The following GPR89A variants were observed in gnomAD, a reference collection of about 807,000 sequenced individuals.
GPR89A encodes golgi pH regulator A.
GPR89A carries 16 observed loss-of-function variants against 52.0 expected under a neutral mutation model. The ratio of observed to expected loss-of-function variants is 0.31; its 90% CI spans 0.21 to 0.47. GPR89A has a LOEUF of 0.47. GPR89A is among the 20% of genes least tolerant of loss of function. The pLI is 1.00. For synonymous variants in GPR89A, 55 were observed against 150.9 expected, an observed-to-expected ratio of 0.36 and a Z score of 4.66; for missense variants, 135 against 449.4, an observed-to-expected ratio of 0.30 and a Z score of 6.33.
chr1:145,649,281 G>T (rs587704826), intron 10 of GPR89A, among the ~76,000 whole-genome samples: 131 of 152,066 alleles, frequency 8.6e-4, no homozygotes, highest in Non-Finnish European at 2.9e-4. Flanking sequence ...GATTCCTGGT[G>T]TCCCTTTGTA....
intron 12 of GPR89A, among the ~76,000 whole-genome samples, chr1:145,665,957 C>T (rs1247741465): frequency 6.6e-6 from 1 of 151,314 alleles, no homozygotes; most frequent in Non-Finnish European, 1.5e-5. Context: ...TCACACACTG[C>T]ACTCCAGCCT....
rs1387282129 is a variant in GPR89A at position 145,646,548 on chromosome 1, C to A, written c.816+276C>A. 24 of 446,752 alleles carry A rather than the reference C, an allele frequency of 5.4e-5. 1 individual carries two copies. The highest frequency in any genetic ancestry group is 1.2e-5 in the Non-Finnish European group (3 of 249,442). The allele number at this position is 446,752 out of a possible 1,614,324, so 27.7% of individuals were successfully genotyped here. ...GGAAGGTGGCACGTACCACCTCCTA[C>A]TAACCTGGGATAAAGATGGTAGCTA... On this transcript the variant is annotated intron_variant, in intron 9 of 13. Coordinates refer to ENST00000313835, the MANE Select transcript of GPR89A (RefSeq NM_001097612.2).
chr1:145,624,988 T>C (rs1361661407), intron 5 of GPR89A, among the ~76,000 whole-genome samples: 2 of 150,312 alleles, frequency 1.3e-5, no homozygotes, highest in African/African-American at 4.9e-5. Context: ...TTGGAATTAA[T>C]GTTGAATGAG....
In GPR89A at chr1:145,641,659, T is replaced by TC. The variant is rs201111482; in HGVS notation, c.618-2209dup. 4.8e-3 allele frequency among the ~76,000 whole-genome samples: 737 copies of TC among 152,256 alleles called. 7 individuals carry two copies. The highest frequency in any genetic ancestry group is 0.017 in the African/African-American group (693 of 41,518). On this transcript the variant is annotated intron_variant, in intron 7 of 13. Coordinates refer to ENST00000313835, the MANE Select transcript of GPR89A (RefSeq NM_001097612.2). ...AAACCTCAGTAGACATTTTTTAGCT[T>TC]CTTCTGTTGTGCACTACTACCAAAC...
At chr1:145,647,438 T>TA (rs1460482420) in intron 10 of GPR89A, among the ~76,000 whole-genome samples, 171 bp downstream of exon 10, 1 of 152,176 alleles carries the variant, frequency 6.6e-6, no homozygotes, top group African/African-American at 2.4e-5. Context: ...CTCTCCTTTT[T>TA]AGATTACATA....
At chr1:145,641,154 C>G (rs1487401710) in intron 7 of GPR89A, among the ~76,000 whole-genome samples, 1 of 151,258 alleles carries the variant, frequency 6.6e-6, no homozygotes, top group Non-Finnish European at 1.5e-5. Flanking sequence ...AATTGCACTC[C>G]TGGGCATTTA....
Position 145,670,425 on chromosome 1 carries a change from T to G in GPR89A, c.*385T>G, listed in dbSNP as rs1274564853. ...GGTTCACATGGAAAAGGTTATAGCT[T>G]TGCCTTGAGATTGACTCATTAAAAT... On this transcript the variant is annotated 3_prime_UTR_variant, in exon 14 of 14. Coordinates refer to ENST00000313835, the MANE Select transcript of GPR89A (RefSeq NM_001097612.2). 5.7e-5 allele frequency: 20 copies of G among 353,512 alleles called. No homozygotes were observed. The highest frequency in any genetic ancestry group is 1.1e-4 in the Non-Finnish European group (20 of 186,164). The allele number at this position is 353,512 out of a possible 1,614,324, so 21.9% of individuals were successfully genotyped here.
chr1:145,635,531 T>C (rs1292479639), intron 7 of GPR89A, among the ~76,000 whole-genome samples: 6 of 152,392 alleles, frequency 3.9e-5, no homozygotes, highest in African/African-American at 1.4e-4. Context: ...TTACATTTAT[T>C]GTTTATTTTA....
chr1:145,666,065 AAC>A (rs1337455127), intron 12 of GPR89A, among the ~76,000 whole-genome samples: 1 of 133,634 alleles, frequency 7.5e-6, no homozygotes, highest in Non-Finnish European at 1.6e-5. Flanking sequence ...GACTTTAAAC[AAC>A]AGTGTCAAGG....
chr1:145,633,875 A>AT (rs1482871596), intron 7 of GPR89A, among the ~76,000 whole-genome samples: 1 of 150,164 alleles, frequency 6.7e-6, no homozygotes, highest in African/African-American at 2.5e-5. Context: ...CAAAAATGAA[A>AT]TCAAGAGAAC....
chr1:145,626,658 C>CA lies in GPR89A; in HGVS notation c.415+2951dup, dbSNP rs1167165004. Among the ~76,000 whole-genome samples, 4 of 150,252 alleles carry CA rather than the reference C, an allele frequency of 2.7e-5. No individual in the cohort carries two copies. The South Asian group carries it at 6.4e-4, about 24-fold the overall frequency. On this transcript the variant is annotated intron_variant, in intron 5 of 13. Transcript: ENST00000313835. Reference sequence around the variant, plus strand: ...TGGTTGTTTATTGCTGTGGTGACCACAAAAAAATGGGCTGGGCAGGTTGGC... The same window carrying CA: ...TGGTTGTTTATTGCTGTGGTGACCACAAAAAAAATGGGCTGGGCAGGTTGGC...
chr1:145,658,519 C>T (rs1161318777), intron 10 of GPR89A, among the ~76,000 whole-genome samples: 1 of 150,062 alleles, frequency 6.7e-6, no homozygotes, highest in East Asian at 1.9e-4. Flanking sequence ...CCCAGCTACT[C>T]GGGAGGCTGA....
rs1352799164 is a variant in GPR89A, at chr1:145,660,676, T to A, written c.910-2653T>A. On this transcript the variant is annotated intron_variant, in intron 10 of 13. Coordinates refer to ENST00000313835, the MANE Select transcript of GPR89A (RefSeq NM_001097612.2). ...GAACAGACACTTCTCAAAAGAAGAC[T>A]TTTATGCCGCCAAAAAACACAAGAA... Among the ~76,000 whole-genome samples, 1,411 of 148,860 alleles carry A rather than the reference T, an allele frequency of 9.5e-3. 32 individuals carry two copies. The highest frequency in any genetic ancestry group is 0.034 in the African/African-American group (1,295 of 38,322).
At chr1:145,636,186 C>A (rs1242116245) in intron 7 of GPR89A, among the ~76,000 whole-genome samples, 1 of 152,096 alleles carries the variant, frequency 6.6e-6, no homozygotes, top group African/African-American at 2.4e-5. Context: ...ACCCCGTTAC[C>A]ACAGTCCTTT....
chr1:145,628,150 G>T (rs868957186), intron 5 of GPR89A, among the ~76,000 whole-genome samples: 21 of 151,514 alleles, frequency 1.4e-4, no homozygotes, highest in Middle Eastern at 3.4e-3. Flanking sequence ...AGTCCTCATA[G>T]AGATGACTCC....
chr1:145,655,484 G>T (rs587759367), intron 10 of GPR89A, among the ~76,000 whole-genome samples: 1 of 152,192 alleles, frequency 6.6e-6, no homozygotes, highest in African/African-American at 2.4e-5. Context: ...TGGGGTTTTT[G>T]TGGGGTCTTT....
intron 12 of GPR89A, among the ~76,000 whole-genome samples, chr1:145,665,996 A>G (rs1652526537): frequency 6.7e-6 from 1 of 148,500 alleles, no homozygotes. Context: ...CATCTCAAAA[A>G]AAAAAAAATA....
chr1:145,614,142 C>T (rs1162568554), intron 1 of GPR89A, among the ~76,000 whole-genome samples: 3 of 152,066 alleles, frequency 2.0e-5, no homozygotes, highest in Admixed American at 6.5e-5. Flanking sequence ...AAACCTTTGA[C>T]TGTGTGATGA....
At chr1:145,608,333 G>C (rs1397954173) in intron 1 of GPR89A, 158 bp downstream of exon 1, 1 of 1,192,978 alleles carries the variant, frequency 8.4e-7, no homozygotes, top group African/African-American at 1.5e-5. Flanking sequence ...GATTTGCTGC[G>C]GCCGGTTCCC....
Sources: allele counts gnomAD v4.1 joint callset (sites outside exome capture counted in the v4.1 genomes callset), GRCh38; gene constraint gnomAD v4.1.1; transcripts MANE v1.5; gene names NCBI Gene and HGNC (gene_info 2026-07-23, HGNC 2026-07-21).